The following NCAM2 variants were observed in gnomAD, a reference collection of about 807,000 sequenced individuals.
NCAM2 encodes neural cell adhesion molecule 2, also known as N-CAM-2.
Under a neutral mutation model 98.1 loss-of-function variants are expected in NCAM2, and 30 were observed. The observed-to-expected ratio is 0.31, with a 90% CI of 0.23 to 0.41. The LOEUF (loss-of-function observed/expected upper bound fraction) is 0.41. NCAM2 is among the 10% of genes least tolerant of loss of function. The pLI is 1.00. For missense variants in NCAM2, 867 were observed against 1,005.8 expected (o/e 0.86, Z 1.87); for synonymous variants, 368 against 342.4 (o/e 1.07, Z -0.83).
At chr21:21,473,803 A>G (rs1418696746) in intron 14 of NCAM2, among the ~76,000 whole-genome samples, 1 of 151,782 alleles carries the variant, frequency 6.6e-6, no homozygotes, top group Non-Finnish European at 1.5e-5. Context: ...ACTTCCCTGT[A>G]GAGATGATAG....
At chr21:21,382,172 T>A (rs2076166756) in intron 9 of NCAM2, among the ~76,000 whole-genome samples, 1 of 152,190 alleles carries the variant, frequency 6.6e-6, no homozygotes, top group Non-Finnish European at 1.5e-5. Context: ...TAAGTATTGT[T>A]TTCTTTGAAT....
rs146164982 is a variant in NCAM2 at position 21,113,317 on chromosome 21, G to T, written c.55+114699G>T. Among the ~76,000 whole-genome samples the T allele has an allele frequency of 3.3e-5, 5 of 152,246 alleles. No homozygotes were observed. The East Asian group carries it at 9.7e-4, about 29-fold the overall frequency. ...TTTAGTAATCATTTTATTCTTCACT[G>T]TCACACAATCACAGGAGGGGAAAAG... is the stretch of plus-strand genomic sequence containing the variant. On this transcript the variant is annotated intron_variant, in intron 1 of 17. Coordinates refer to ENST00000400546, the MANE Select transcript of NCAM2 (RefSeq NM_004540.5).
chr21:21,011,560 A>G (rs1340585524), intron 1 of NCAM2, among the ~76,000 whole-genome samples: 1 of 152,106 alleles, frequency 6.6e-6, no homozygotes, highest in Non-Finnish European at 1.5e-5. Flanking sequence ...ATCGCCTTAT[A>G]TAGTTATTTC....
intron 1 of NCAM2, among the ~76,000 whole-genome samples, chr21:21,057,919 T>C (rs1281946700): frequency 6.6e-6 from 1 of 152,006 alleles, no homozygotes; most frequent in Non-Finnish European, 1.5e-5. Context: ...CTCCAATACC[T>C]GTCTCCTTTA....
intron 1 of NCAM2, among the ~76,000 whole-genome samples, chr21:21,239,044 G>A (rs1027196885): frequency 1.3e-5 from 2 of 151,612 alleles, no homozygotes; most frequent in African/African-American, 4.9e-5. Flanking sequence ...CATTTATTGA[G>A]CAATAAACGG....
At chr21:21,294,414 C>T (rs2073402740) in intron 5 of NCAM2, among the ~76,000 whole-genome samples, 1 of 151,788 alleles carries the variant, frequency 6.6e-6, no homozygotes, top group Non-Finnish European at 1.5e-5. Context: ...ATCAATCATG[C>T]AAATAATTCC....
At chr21:21,145,761 G>C (rs1321358473) in intron 1 of NCAM2, among the ~76,000 whole-genome samples, 1 of 152,052 alleles carries the variant, frequency 6.6e-6, no homozygotes, top group African/African-American at 2.4e-5. Context: ...GTACAATTCA[G>C]GACACTGAGT....
intron 1 of NCAM2, among the ~76,000 whole-genome samples, chr21:21,214,413 G>T (rs2069781766): frequency 1.3e-5 from 2 of 151,940 alleles, no homozygotes; most frequent in Admixed American, 6.6e-5. Context: ...TTTGGGTAGG[G>T]TCACATATGT....
In NCAM2 at chr21:21,508,808, C is replaced by CTTTTTTTTTTTTTTTT. The variant is rs764097299; in HGVS notation, c.2078-26_2078-11dup. ...ATTTAGAGGTTTAATACTTTTTTTCCTTTTTTTTTTTTTTTTTTTTTTTTT... is the reference window on the plus strand; with the variant it reads ...ATTTAGAGGTTTAATACTTTTTTTCCTTTTTTTTTTTTTTTTTTTTTTTTTTTTTTTTTTTTTTTTT... On this transcript the variant is annotated intron_variant, in intron 15 of 17. Coordinates refer to ENST00000400546, the MANE Select transcript of NCAM2 (RefSeq NM_004540.5). The CTTTTTTTTTTTTTTTT allele has an allele frequency of 3.4e-5, 14 of 413,286 alleles. 1 individual carries two copies. Among genetic ancestry groups the CTTTTTTTTTTTTTTTT allele is most frequent in the Middle Eastern group, 1.8e-3 (2 of 1,124 alleles). The allele number at this position is 413,286 out of a possible 1,614,324, so 25.6% of individuals were successfully genotyped here.
chr21:21,222,865 C>G (rs2070226623), intron 1 of NCAM2, among the ~76,000 whole-genome samples: 1 of 152,080 alleles, frequency 6.6e-6, no homozygotes, highest in African/African-American at 2.4e-5. Context: ...AACATTGAAT[C>G]CTATAGAGAA....
chr21:21,465,126 A>C (rs1401500034), intron 12 of NCAM2, among the ~76,000 whole-genome samples: 1 of 152,154 alleles, frequency 6.6e-6, no homozygotes, highest in Admixed American at 6.6e-5. Flanking sequence ...ACATCTGTAC[A>C]GGATTAAGTA....
chr21:21,356,987 CAATAAATAAATA>C lies in NCAM2; in HGVS notation c.1045-16848_1045-16837del, dbSNP rs56359248. Among the ~76,000 whole-genome samples the C allele has an allele frequency of 5.8e-3, 841 of 145,040 alleles. 4 individuals are homozygous for C. Among genetic ancestry groups the C allele is most frequent in the Non-Finnish European group, 9.4e-3 (629 of 66,726 alleles). On this transcript the variant is annotated intron_variant, in intron 8 of 17. Transcript: ENST00000400546. Reference sequence around the variant, plus strand: ...CTGGGAAACAAGAGCGAAACTCCATCAATAAATAAATAAATAAATAAATAAATAAATAAATAA... The same window carrying C: ...CTGGGAAACAAGAGCGAAACTCCATCAATAAATAAATAAATAAATAAATAA...
intron 1 of NCAM2, chr21:21,210,457 T>A: frequency 8.7e-7 from 1 of 1,143,560 alleles, no homozygotes; most frequent in Non-Finnish European, 1.1e-6. Flanking sequence ...CCATGACATA[T>A]TTACTGTAAG....
intron 5 of NCAM2, among the ~76,000 whole-genome samples, chr21:21,294,215 T>C (rs1441365226): frequency 1.3e-5 from 2 of 151,778 alleles, no homozygotes; most frequent in African/African-American, 4.8e-5. Flanking sequence ...TATCTGTGAT[T>C]ATTATGATTA....
At chr21:21,213,332 G>A (rs538449423) in intron 1 of NCAM2, among the ~76,000 whole-genome samples, 42 of 152,270 alleles carry the variant, frequency 2.8e-4, no homozygotes, top group African/African-American at 9.6e-4. Flanking sequence ...GGTTAAGCTA[G>A]AGTTTAAATT....
chr21:21,210,964 CCAAACACACACACA>C (rs1369117867), intron 1 of NCAM2, among the ~76,000 whole-genome samples: 7 of 96,716 alleles, frequency 7.2e-5, no homozygotes, highest in African/African-American at 1.0e-4. Context: ...AATACTCTCC[CCAAACACACACACA>C]CACACACACA....
intron 15 of NCAM2, among the ~76,000 whole-genome samples, chr21:21,479,560 G>A (rs1452813894): frequency 9.6e-6 from 1 of 104,254 alleles, no homozygotes; most frequent in Non-Finnish European, 2.2e-5. Context: ...CTCCAGCCTG[G>A]GAGACAGAGC....
intron 5 of NCAM2, 124 bp from the exon 6 acceptor site, chr21:21,324,259 T>A: frequency 1.6e-6 from 1 of 619,890 alleles, no homozygotes; most frequent in Non-Finnish European, 2.8e-6. Context: ...CAAATCAGTT[T>A]CATTAATATA....
At chr21:21,014,774 A>G (rs912792221) in intron 1 of NCAM2, among the ~76,000 whole-genome samples, 2 of 152,312 alleles carry the variant, frequency 1.3e-5, no homozygotes, top group East Asian at 3.9e-4. Flanking sequence ...TGCCATCGGT[A>G]ATGATTCCTC....
Sources: allele counts gnomAD v4.1 joint callset (sites outside exome capture counted in the v4.1 genomes callset), GRCh38; gene constraint gnomAD v4.1.1; transcripts MANE v1.5; gene names NCBI Gene and HGNC (gene_info 2026-07-23, HGNC 2026-07-21).